Variants in GPRIN3 observed in about 807,000 individuals in gnomAD.
The protein encoded by GPRIN3 is G protein-regulated inducer of neurite outgrowth 3.
A neutral mutation model predicts 13.7 loss-of-function variants in GPRIN3; 12 were observed. That is an observed-to-expected ratio of 0.87 (90% CI 0.56 to 1.42). GPRIN3 has a LOEUF of 1.42. Among genes scored for constraint, GPRIN3 ranks in the 40% most tolerant of loss-of-function variants. The probability of loss-of-function intolerance (pLI) is 0.00; values close to 1 mark genes in which losing one functional copy is unlikely to be tolerated. For synonymous variants in GPRIN3, 377 were observed against 372.7 expected, an observed-to-expected ratio of 1.01 and a Z score of -0.13; for missense variants, 1,009 against 958.7, an observed-to-expected ratio of 1.05 and a Z score of -0.69.
chr4:89,305,813 G>T lies in GPRIN3; in HGVS notation c.-124+1802C>A, dbSNP rs1398095619. On this transcript the variant is annotated intron_variant, in intron 1 of 1. Coordinates refer to ENST00000609438, the MANE Select transcript of GPRIN3 (RefSeq NM_198281.3). ...AAACACTCAAATTTCAAAACAGCTT[G>T]CTGGAATCCAGCCTGCCCTCCAATT... Among the ~76,000 whole-genome samples the T allele has an allele frequency of 2.0e-5, 3 of 152,308 alleles. No individual in the cohort carries two copies. The East Asian group carries it at 5.8e-4, about 29-fold the overall frequency.
intron 1 of GPRIN3, among the ~76,000 whole-genome samples, chr4:89,301,873 T>C (rs888168145): frequency 6.6e-6 from 1 of 152,320 alleles, no homozygotes; most frequent in Admixed American, 6.5e-5. Flanking sequence ...CAGAGATGCC[T>C]GACATTGTGA....
chr4:89,271,660 AT>A (rs1723955090), intron 1 of GPRIN3, among the ~76,000 whole-genome samples: 1 of 152,054 alleles, frequency 6.6e-6, no homozygotes, highest in African/African-American at 2.4e-5. Context: ...TGGATGTGAA[AT>A]TCATGGATAG....
chr4:89,297,621 G>A (rs1206843427), intron 1 of GPRIN3, among the ~76,000 whole-genome samples: 1 of 152,144 alleles, frequency 6.6e-6, no homozygotes, highest in Non-Finnish European at 1.5e-5. Context: ...CACTTACTAG[G>A]CATTTCAGAG....
intron 1 of GPRIN3, among the ~76,000 whole-genome samples, chr4:89,299,680 T>C (rs1251174872): frequency 2.0e-5 from 3 of 152,160 alleles, no homozygotes; most frequent in Non-Finnish European, 4.4e-5. Context: ...AATCATTAAC[T>C]GAGCATTTCC....
At position 89,236,660 on chromosome 4, in the gene GPRIN3, G is replaced by A. The variant is rs1722801747; in HGVS notation, c.*11120C>T. The A allele has an allele frequency of 6.6e-6, 1 of 152,004 alleles. No homozygotes were observed. The highest frequency in any genetic ancestry group is 1.5e-5 in the Non-Finnish European group (1 of 67,994). 9.4% of individuals were successfully genotyped at this position (152,004 alleles called of 1,614,324 possible). A position where few individuals can be genotyped will look rare whatever the true frequency, so the allele number is the denominator to read the frequency against. On this transcript the variant is annotated 3_prime_UTR_variant, in exon 2 of 2. Coordinates refer to ENST00000609438, the MANE Select transcript of GPRIN3 (RefSeq NM_198281.3). ...AATTTGGAGGTGGGGTCTGGTGGGA[G>A]GTGTTTTGGTTTACTCAGCCAAAGA...
chr4:89,248,316 T>C lies in GPRIN3; in HGVS notation c.1795A>G (p.Thr599Ala). The C allele has an allele frequency of 1.2e-6, 2 of 1,614,126 alleles. No homozygotes were observed. Among genetic ancestry groups the C allele is most frequent in the Non-Finnish European group, 1.7e-6 (2 of 1,180,012 alleles). ...AGGCTCAGGCTGGTGGCTGTCTTGG[T>C]CTGTCTGTTTTCTTCTAAGGTGCTC... is the stretch of plus-strand genomic sequence containing the variant. ...QESTLEENRQ[T>A]KTATSLSLPS... The change falls in exon 2 of 2, where the codon ACC becomes GCC. Residue 599 changes from threonine to alanine, a missense_variant. Transcript: ENST00000609438.
chr4:89,290,887 C>A (rs538201428), intron 1 of GPRIN3, among the ~76,000 whole-genome samples: 1 of 152,280 alleles, frequency 6.6e-6, no homozygotes, highest in Non-Finnish European at 1.5e-5. Flanking sequence ...ACACAGTGAG[C>A]ACTCACTACT....
Position 89,243,111 on chromosome 4 carries a change from C to A in GPRIN3, c.*4669G>T, listed in dbSNP as rs1451187372. 3 of 152,194 alleles carry A rather than the reference C, an allele frequency of 2.0e-5. No homozygotes were observed. Among genetic ancestry groups the A allele is most frequent in the African/African-American group, 7.2e-5 (3 of 41,434 alleles). The allele number at this position is 152,194 out of a possible 1,614,324, so 9.4% of individuals were successfully genotyped here. A position where few individuals can be genotyped will look rare whatever the true frequency, so the allele number is the denominator to read the frequency against. On this transcript the variant is annotated 3_prime_UTR_variant, in exon 2 of 2. Transcript: ENST00000609438. ...CTTGGGAGACAGAATTTTTCCACTTCAATCCATCTTCATTTATGTCCTTGG... is the reference window on the plus strand; with the variant it reads ...CTTGGGAGACAGAATTTTTCCACTTAAATCCATCTTCATTTATGTCCTTGG...
rs1223242357 is a variant in GPRIN3, at chr4:89,240,312, A to G, written c.*7468T>C. ...GCCCTGGAACCCCACCCAAGGGTTC[A>G]TTGCTCATATCCTATTATCTCACCA... On this transcript the variant is annotated 3_prime_UTR_variant, in exon 2 of 2. Transcript: ENST00000609438. The G allele has an allele frequency of 6.6e-6, 1 of 152,174 alleles. No individual in the cohort carries two copies. The highest frequency in any genetic ancestry group is 1.5e-5 in the Non-Finnish European group (1 of 68,034). 9.4% of individuals were successfully genotyped at this position (152,174 alleles called of 1,614,324 possible). A position where few individuals can be genotyped will look rare whatever the true frequency, so the allele number is the denominator to read the frequency against.
In GPRIN3 at chr4:89,245,106, G is replaced by A. The variant is rs781727673; in HGVS notation, c.*2674C>T. ...AAGTGAAGGAAAATTCTCAAATAAGGTTTTATTGTGAGAGTAACTTAGGGG... is the reference window on the plus strand; with the variant it reads ...AAGTGAAGGAAAATTCTCAAATAAGATTTTATTGTGAGAGTAACTTAGGGG... On this transcript the variant is annotated 3_prime_UTR_variant, in exon 2 of 2. Transcript: ENST00000609438. The A allele has an allele frequency of 2.6e-5, 4 of 152,114 alleles. No individual in the cohort carries two copies. Among genetic ancestry groups the A allele is most frequent in the Non-Finnish European group, 4.4e-5 (3 of 68,010 alleles). The allele number at this position is 152,114 out of a possible 1,614,324, so 9.4% of individuals were successfully genotyped here.
intron 1 of GPRIN3, among the ~76,000 whole-genome samples, chr4:89,254,128 G>GTGTGTGTGTGTGTGTGTGT (rs1723403981): frequency 6.8e-6 from 1 of 147,646 alleles, no homozygotes; most frequent in South Asian, 2.2e-4. Context: ...GTTGCATCTG[G>GTGTGTGTGTGTGTGTGTGT]GTGTGTGTGT....
intron 1 of GPRIN3, among the ~76,000 whole-genome samples, chr4:89,262,247 A>AT (rs1388295268): frequency 6.6e-6 from 1 of 152,128 alleles, no homozygotes; most frequent in Non-Finnish European, 1.5e-5. Context: ...ATACTGGCAT[A>AT]TTTTGTATGC....
rs1723240683 is a variant in GPRIN3, at chr4:89,249,336, C to T, written c.775G>A (p.Gly259Ser). Residue 259 changes from glycine (G) to serine (S), a missense_variant, in exon 2 of 2, where the codon GGC becomes AGC. Gly to Ser is a moderately conservative substitution (Grantham distance 56). Coordinates refer to ENST00000609438, the MANE Select transcript of GPRIN3 (RefSeq NM_198281.3). Reference protein sequence around the residue: ...QPSVTASGPQGTTSVTPQPTP... With the variant: ...QPSVTASGPQSTTSVTPQPTP... Reference sequence around the variant, plus strand: ...GGTTGAGGTGTCACAGAAGTTGTGCCTTGGGGGCCCGAGGCAGTGACAGAG... The same window carrying T: ...GGTTGAGGTGTCACAGAAGTTGTGCTTTGGGGGCCCGAGGCAGTGACAGAG... 6.2e-7 allele frequency: 1 copy of T among 1,614,116 alleles called. No homozygotes were observed. Among genetic ancestry groups the T allele is most frequent in the Non-Finnish European group, 8.5e-7 (1 of 1,180,004 alleles).
At position 89,244,071 on chromosome 4, in the gene GPRIN3, GTATGC is replaced by G. The variant is rs1372211696; in HGVS notation, c.*3704_*3708del. 6.6e-6 allele frequency: 1 copy of G among 152,122 alleles called. No individual in the cohort carries two copies. The highest frequency in any genetic ancestry group is 1.5e-5 in the Non-Finnish European group (1 of 68,024). 9.4% of individuals were successfully genotyped at this position (152,122 alleles called of 1,614,324 possible). On this transcript the variant is annotated 3_prime_UTR_variant, in exon 2 of 2. Coordinates refer to ENST00000609438, the MANE Select transcript of GPRIN3 (RefSeq NM_198281.3). Reference sequence around the variant, plus strand: ...AAAGTAACATCATACTCTGTTCTTGGTATGCTATATATAGGGATTCTCAGAATGAC... The same window carrying G: ...AAAGTAACATCATACTCTGTTCTTGGTATATATAGGGATTCTCAGAATGAC...
intron 1 of GPRIN3, among the ~76,000 whole-genome samples, chr4:89,281,669 G>A (rs74923126): frequency 5.9e-5 from 9 of 152,288 alleles, no homozygotes; most frequent in Non-Finnish European, 1.2e-4. Flanking sequence ...AACTAACCCT[G>A]CTGACACCTT....
chr4:89,251,250 G>T (rs150167284), intron 1 of GPRIN3: 1 of 152,084 alleles, frequency 6.6e-6, no homozygotes, highest in East Asian at 1.9e-4. Context: ...TGCAAATAAA[G>T]TAACAATGCA....
chr4:89,250,823 A>T (rs1230479987), intron 1 of GPRIN3: 5 of 152,192 alleles, frequency 3.3e-5, no homozygotes, highest in African/African-American at 1.2e-4. Context: ...TAAATCCTAG[A>T]TGGATGCAGT....
intron 1 of GPRIN3, among the ~76,000 whole-genome samples, chr4:89,265,430 A>G (rs1723756203): frequency 6.6e-6 from 1 of 152,222 alleles, no homozygotes; most frequent in Non-Finnish European, 1.5e-5. Flanking sequence ...GAAAAAATGT[A>G]ATAATAAATA....
intron 1 of GPRIN3, among the ~76,000 whole-genome samples, chr4:89,270,596 T>A (rs1337548826): frequency 4.7e-5 from 6 of 128,658 alleles, no homozygotes; most frequent in African/African-American, 2.0e-4. Flanking sequence ...TATATATATA[T>A]ATATAAAATA....
Sources: allele counts gnomAD v4.1 joint callset (sites outside exome capture counted in the v4.1 genomes callset), GRCh38; gene constraint gnomAD v4.1.1; transcripts MANE v1.5; gene names NCBI Gene and HGNC (gene_info 2026-07-23, HGNC 2026-07-21).